Variants in CLIC5 observed in about 807,000 individuals in gnomAD.
The protein encoded by CLIC5 is chloride intracellular channel protein 5.
In CLIC5, 20 loss-of-function variants were observed where a neutral mutation model predicts 24.7. The observed-to-expected ratio is 0.81, with a 90% CI of 0.57 to 1.18. The LOEUF is 1.18. CLIC5 is among the 50% of genes most tolerant of loss of function. The pLI, the probability that CLIC5 is intolerant of heterozygous loss-of-function variation, is 0.00. For missense variants in CLIC5, 341 were observed against 326.1 expected, an observed-to-expected ratio of 1.05 and a Z score of -0.35; for synonymous variants, 159 against 135.6, an observed-to-expected ratio of 1.17 and a Z score of -1.20.
intron 1 of CLIC5, among the ~76,000 whole-genome samples, chr6:46,038,853 T>C (rs185787185): frequency 1.1e-4 from 17 of 152,372 alleles, no homozygotes; most frequent in African/African-American, 3.8e-4. Context: ...CTAGATGTTG[T>C]AGTTAGAGCA....
downstream of CLIC5, among the ~76,000 whole-genome samples, chr6:45,894,953 A>G (rs543169668): frequency 2.0e-5 from 3 of 152,202 alleles, no homozygotes; most frequent in East Asian, 5.8e-4. Context: ...AGAAAAATAT[A>G]TTTGGCCCCA....
the CLIC5 span, among the ~76,000 whole-genome samples, chr6:46,095,363 A>C: frequency 1.3e-5 from 2 of 152,198 alleles, no homozygotes; most frequent in Non-Finnish European, 2.9e-5. Flanking sequence ...CTAGGCTATA[A>C]ATTTCCCAAC....
At chr6:46,113,899 G>A in the CLIC5 span, among the ~76,000 whole-genome samples, 2 of 152,162 alleles carry the variant, frequency 1.3e-5, no homozygotes, top group East Asian at 3.9e-4. Context: ...CAAGGAGAGT[G>A]TCCCTCAGAG....
intron 1 of CLIC5, among the ~76,000 whole-genome samples, chr6:45,963,569 T>C (rs991687256): frequency 3.3e-5 from 5 of 152,012 alleles, no homozygotes; most frequent in African/African-American, 1.2e-4. Context: ...TTTGGAGAAC[T>C]TACCTTGAGA....
At chr6:45,973,072 A>C (rs1365626526) in intron 1 of CLIC5, among the ~76,000 whole-genome samples, 1 of 152,142 alleles carries the variant, frequency 6.6e-6, no homozygotes, top group East Asian at 1.9e-4. Flanking sequence ...GCTGAGGTTA[A>C]ATTATTTATT....
At chr6:45,884,994 C>T (rs1357199601) in intron 6 of CLIC5, among the ~76,000 whole-genome samples, 2 of 55,506 alleles carry the variant, frequency 3.6e-5, no homozygotes, top group African/African-American at 8.3e-5. Flanking sequence ...ACAACTTTTT[C>T]ATCAAGGGCC....
intron 1 of CLIC5, among the ~76,000 whole-genome samples, chr6:46,067,245 G>A (rs1043207044): frequency 2.6e-5 from 4 of 152,026 alleles, no homozygotes; most frequent in African/African-American, 9.7e-5. Flanking sequence ...CACAGGACAC[G>A]GAGCTACCGA....
chr6:46,035,745 T>C (rs1767639844), intron 1 of CLIC5, among the ~76,000 whole-genome samples: 1 of 149,280 alleles, frequency 6.7e-6, no homozygotes, highest in Non-Finnish European at 1.5e-5. Flanking sequence ...CTTTTTTCTT[T>C]TATTTTCTTT....
intron 4 of CLIC5, among the ~76,000 whole-genome samples, chr6:45,925,248 C>T (rs895520952): frequency 6.6e-6 from 1 of 151,636 alleles, no homozygotes; most frequent in Non-Finnish European, 1.5e-5. Context: ...GCTTCTATTA[C>T]AAACAGCCAA....
At chr6:46,018,383 A>G (rs1471691996), upstream of CLIC5, among the ~76,000 whole-genome samples, 6 of 152,220 alleles carry the variant, frequency 3.9e-5, no homozygotes, top group Admixed American at 3.9e-4. Context: ...ATCTACTGCT[A>G]TTGTAAATTT....
chr6:45,945,458 G>A (rs1471660297), intron 3 of CLIC5, among the ~76,000 whole-genome samples: 1 of 151,870 alleles, frequency 6.6e-6, no homozygotes, highest in African/African-American at 2.4e-5. Context: ...TTTTTTTGCA[G>A]GCCTGGCCCT....
chr6:45,971,546 T>C (rs553823857), intron 1 of CLIC5, among the ~76,000 whole-genome samples: 55 of 152,322 alleles, frequency 3.6e-4, no homozygotes, highest in African/African-American at 1.3e-3. Context: ...TGCTACGTGA[T>C]GAACTTCGAG....
intron 1 of CLIC5, among the ~76,000 whole-genome samples, chr6:46,057,312 T>C (rs1352640679): frequency 1.3e-5 from 2 of 152,204 alleles, no homozygotes; most frequent in Admixed American, 1.3e-4. Context: ...CAAAATCTGA[T>C]GGGTTTATCA....
At chr6:46,041,859 G>A (rs1767817457) in intron 1 of CLIC5, among the ~76,000 whole-genome samples, 1 of 152,150 alleles carries the variant, frequency 6.6e-6, no homozygotes, top group Non-Finnish European at 1.5e-5. Flanking sequence ...CTGACACAGA[G>A]TTAATGTTTA....
intron 5 of CLIC5, among the ~76,000 whole-genome samples, chr6:45,905,187 A>C (rs556573304): frequency 1.7e-4 from 26 of 152,240 alleles, no homozygotes; most frequent in Non-Finnish European, 2.9e-5. Context: ...TCATAAATAT[A>C]TGAATGCATA....
chr6:46,030,077 A>G (rs868532771), intron 1 of CLIC5, among the ~76,000 whole-genome samples: 5 of 152,090 alleles, frequency 3.3e-5, no homozygotes, highest in African/African-American at 1.2e-4. Context: ...TTTAACTTTT[A>G]GCCTTTGTAA....
intron 1 of CLIC5, among the ~76,000 whole-genome samples, chr6:46,021,166 C>A (rs868868129): frequency 6.7e-6 from 1 of 149,820 alleles, no homozygotes; most frequent in African/African-American, 2.4e-5. Flanking sequence ...AGAAGACTTA[C>A]CAATGGCAAA....
chr6:45,920,283 G>A (rs1763202742), intron 4 of CLIC5: 1 of 984,712 alleles, frequency 1.0e-6, no homozygotes, highest in Non-Finnish European at 1.2e-6. Flanking sequence ...AACTCTGCCT[G>A]TACTAGGGGC....
intron 1 of CLIC5, among the ~76,000 whole-genome samples, chr6:45,961,509 A>G (rs373598993): frequency 7.9e-5 from 12 of 152,260 alleles, no homozygotes; most frequent in African/African-American, 9.6e-5. Context: ...CAAAGTGGCA[A>G]AGGCCACATG....
Sources: gnomAD v4.1 joint callset for allele counts (sites outside exome capture counted in the v4.1 genomes callset) on GRCh38, gnomAD v4.1.1 for gene constraint, MANE v1.5 for transcripts, NCBI Gene and HGNC (gene_info 2026-07-23, HGNC 2026-07-21) for gene names.